The following CLIP2 variants were observed in gnomAD, a reference collection of about 807,000 sequenced individuals.
The protein encoded by CLIP2 is CAP-Gly domain-containing linker protein 2.
CLIP2 carries 41 observed loss-of-function variants against 111.7 expected under a neutral mutation model. The ratio of observed to expected loss-of-function variants is 0.37; its 90% CI spans 0.29 to 0.48. CLIP2 has a LOEUF of 0.48. Ranked by LOEUF, CLIP2 falls within the 20% of genes least tolerant of loss-of-function variation. CLIP2 has a pLI of 0.99. For synonymous variants in CLIP2, 660 were observed against 644.2 expected, an observed-to-expected ratio of 1.02 and a Z score of -0.37; for missense variants, 1,160 against 1,422.1, an observed-to-expected ratio of 0.82 and a Z score of 2.96.
chr7:74,311,599 G>C (rs1554728518), intron 1 of CLIP2, among the ~76,000 whole-genome samples: 3 of 152,166 alleles, frequency 2.0e-5, no homozygotes, highest in Non-Finnish European at 4.4e-5. Flanking sequence ...AAGTTGCAGA[G>C]TTCATTATGT....
intron 8 of CLIP2, 141 bp from the exon 9 acceptor site, chr7:74,372,789 ACT>A (rs1253371105): frequency 1.6e-6 from 1 of 611,398 alleles, no homozygotes; most frequent in African/African-American, 1.9e-5. Context: ...TCATGAATCT[ACT>A]CTCCTCGCCT....
At chr7:74,318,824 C>T (rs574622692) in intron 2 of CLIP2, among the ~76,000 whole-genome samples, 3 of 152,302 alleles carry the variant, frequency 2.0e-5, no homozygotes, top group Non-Finnish European at 4.4e-5. Flanking sequence ...CAGGATAGGT[C>T]ACTGCCCATC....
Position 74,326,102 on chromosome 7 carries a change from C to T in CLIP2, c.121+8435C>T, listed in dbSNP as rs979102818. 2.6e-5 allele frequency among the ~76,000 whole-genome samples: 4 copies of T among 151,060 alleles called. No individual in the cohort carries two copies. The South Asian group carries it at 6.3e-4, about 24-fold the overall frequency. Reference sequence around the variant, plus strand: ...AAAAATAACAAAAATTAGCCGGGCGCGACGGCACATGCCTGTAATCCCAGC... The same window carrying T: ...AAAAATAACAAAAATTAGCCGGGCGTGACGGCACATGCCTGTAATCCCAGC... On this transcript the variant is annotated intron_variant, in intron 2 of 16. Transcript: ENST00000223398.
At chr7:74,350,722 G>A (rs1554307331) in intron 3 of CLIP2, among the ~76,000 whole-genome samples, 3 of 151,884 alleles carry the variant, frequency 2.0e-5, no homozygotes, top group Non-Finnish European at 1.5e-5. Context: ...TCAAAAATTA[G>A]CTAGGTATCG....
intron 4 of CLIP2, among the ~76,000 whole-genome samples, 164 bp from the exon 5 acceptor site, chr7:74,356,246 A>G (rs1200008663): frequency 2.0e-5 from 3 of 152,070 alleles, no homozygotes; most frequent in African/African-American, 4.8e-5. Flanking sequence ...TGAGAGTCCT[A>G]TCTCTCCACC....
chr7:74,354,749 C>A (rs1387351575), intron 4 of CLIP2, among the ~76,000 whole-genome samples: 1 of 151,508 alleles, frequency 6.6e-6, no homozygotes, highest in Non-Finnish European at 1.5e-5. Flanking sequence ...CCAGCCTGGG[C>A]AATAGAGCAA....
intron 16 of CLIP2, 117 bp from the exon 17 acceptor site, chr7:74,403,720 C>A: frequency 9.8e-7 from 1 of 1,023,174 alleles, no homozygotes; most frequent in Non-Finnish European, 1.5e-6. Flanking sequence ...ACATGCAGTT[C>A]GCTCTATGCT....
At chr7:74,317,089 G>A (rs574286519) in intron 1 of CLIP2, among the ~76,000 whole-genome samples, 1 of 152,268 alleles carries the variant, frequency 6.6e-6, no homozygotes, top group South Asian at 2.1e-4. Context: ...TGGGATAGAA[G>A]ATGAAACATC....
intron 2 of CLIP2, among the ~76,000 whole-genome samples, chr7:74,336,865 T>G (rs13221002): frequency 9.4e-4 from 24 of 25,590 alleles, no homozygotes; most frequent in Non-Finnish European, 1.7e-3. Flanking sequence ...TTTTTGTTTT[T>G]TTTTTTTTTG....
chr7:74,320,292 G>A (rs1211262509), intron 2 of CLIP2, among the ~76,000 whole-genome samples: 1 of 151,948 alleles, frequency 6.6e-6, no homozygotes, highest in Non-Finnish European at 1.5e-5. Context: ...TTGGGAGGCT[G>A]AGGCAGGAGG....
chr7:74,312,143 G>A (rs1464636344), intron 1 of CLIP2, among the ~76,000 whole-genome samples: 1 of 152,084 alleles, frequency 6.6e-6, no homozygotes, highest in East Asian at 1.9e-4. Context: ...CAGCTACTTG[G>A]GAGGCTGAAA....
chr7:74,294,553 G>A (rs1238265218), intron 1 of CLIP2, among the ~76,000 whole-genome samples: 2 of 152,150 alleles, frequency 1.3e-5, no homozygotes, highest in Admixed American at 1.3e-4. Flanking sequence ...CCCTTGGGAT[G>A]AGAGGGCGGA....
chr7:74,371,373 G>A (rs1429235440), intron 8 of CLIP2, among the ~76,000 whole-genome samples: 4 of 151,956 alleles, frequency 2.6e-5, no homozygotes, highest in African/African-American at 9.7e-5. Flanking sequence ...CAGTGTGTAG[G>A]ATCATGCACC....
At chr7:74,359,738 A>G (rs1280318721) in intron 6 of CLIP2, among the ~76,000 whole-genome samples, 1 of 151,982 alleles carries the variant, frequency 6.6e-6, no homozygotes, top group African/African-American at 2.4e-5. Flanking sequence ...GGCTGCTGCT[A>G]TCTCGTGTCT....
intron 2 of CLIP2, 58 bp downstream of exon 2, chr7:74,317,725 T>A (rs1788826911): frequency 2.2e-6 from 3 of 1,364,104 alleles, no homozygotes; most frequent in Non-Finnish European, 2.8e-6. Flanking sequence ...ATGAGTGTTC[T>A]TCTGGAAGAG....
chr7:74,310,407 A>T lies in CLIP2; in HGVS notation c.-67-7073A>T, dbSNP rs1584314483. Among the ~76,000 whole-genome samples, 4 of 150,832 alleles carry T rather than the reference A, an allele frequency of 2.7e-5. 1 individual carries two copies. The Middle Eastern group carries it at 0.011, about 398-fold the overall frequency. ...CATGGTAGCACTCGCCTTTGGTCCC[A>T]GCTACCCAGGAAGCTGAGGTGGGAG... On this transcript the variant is annotated intron_variant, in intron 1 of 16. Coordinates refer to ENST00000223398, the MANE Select transcript of CLIP2 (RefSeq NM_003388.5).
intron 10 of CLIP2, among the ~76,000 whole-genome samples, chr7:74,377,625 C>G (rs571753871): frequency 5.3e-5 from 8 of 152,166 alleles, no homozygotes; most frequent in Admixed American, 1.3e-4. Flanking sequence ...GATACTGGCT[C>G]CATTTCACAG....
intron 3 of CLIP2, among the ~76,000 whole-genome samples, chr7:74,350,140 G>A (rs58838987): frequency 0.14 from 21,144 of 151,876 alleles, 3,033 homozygotes; most frequent in African/African-American, 0.37. Flanking sequence ...TGCAACCTCC[G>A]CCTCCTGGGT....
At chr7:74,323,278 C>G (rs1246305564) in intron 2 of CLIP2, among the ~76,000 whole-genome samples, 3 of 151,306 alleles carry the variant, frequency 2.0e-5, no homozygotes, top group African/African-American at 7.3e-5. Context: ...GCCTGGCTAA[C>G]TTGTAAATTT....
Sources: gnomAD v4.1 joint callset for allele counts (sites outside exome capture counted in the v4.1 genomes callset) on GRCh38, gnomAD v4.1.1 for gene constraint, MANE v1.5 for transcripts, NCBI Gene and HGNC (gene_info 2026-07-23, HGNC 2026-07-21) for gene names.